The following TOX variants were observed in gnomAD, a reference collection of about 807,000 sequenced individuals.
TOX encodes the protein thymocyte selection associated high mobility group box, also known as thymocyte selection-associated high mobility group box protein TOX.
A neutral mutation model predicts 53.7 loss-of-function variants in TOX; 11 were observed. That is an observed-to-expected ratio of 0.20 (90% CI 0.13 to 0.34). The LOEUF is 0.34. Ranked by LOEUF, TOX falls within the 10% of genes least tolerant of loss-of-function variation. The probability of loss-of-function intolerance (pLI) is 1.00; values close to 1 mark genes in which losing one functional copy is unlikely to be tolerated. For missense variants in TOX, 570 were observed against 664.6 expected, an observed-to-expected ratio of 0.86 and a Z score of 1.56; for synonymous variants, 225 against 245.3, an observed-to-expected ratio of 0.92 and a Z score of 0.77.
At chr8:59,066,218 A>G (rs1228145804) in intron 1 of TOX, among the ~76,000 whole-genome samples, 1 of 152,226 alleles carries the variant, frequency 6.6e-6, no homozygotes, top group South Asian at 2.1e-4. Context: ...TCAGAAAAGG[A>G]CTTACAATAG....
intron 1 of TOX, among the ~76,000 whole-genome samples, chr8:58,967,710 C>A (rs1030165996): frequency 3.9e-5 from 6 of 152,178 alleles, no homozygotes; most frequent in Non-Finnish European, 7.3e-5. Flanking sequence ...CAGCAACCAG[C>A]GATGAGTTGT....
At chr8:59,116,126 C>T (rs2129425263) in intron 1 of TOX, among the ~76,000 whole-genome samples, 1 of 152,182 alleles carries the variant, frequency 6.6e-6, no homozygotes, top group East Asian at 1.9e-4. Context: ...GATTCTAAAG[C>T]ACAGATAGAT....
At chr8:58,928,235 G>A (rs759743652) in intron 3 of TOX, among the ~76,000 whole-genome samples, 4 of 152,228 alleles carry the variant, frequency 2.6e-5, no homozygotes, top group Non-Finnish European at 4.4e-5. Flanking sequence ...AAGGCAGAGC[G>A]CCCGCTATTA....
At chr8:58,813,887 T>G (rs1255991997) in intron 7 of TOX, among the ~76,000 whole-genome samples, 2 of 152,142 alleles carry the variant, frequency 1.3e-5, no homozygotes, top group African/African-American at 4.8e-5. Context: ...GAGTTAAGAG[T>G]CTACAAGAAC....
intron 3 of TOX, among the ~76,000 whole-genome samples, chr8:58,912,218 C>G (rs1811920701): frequency 6.6e-6 from 1 of 152,162 alleles, no homozygotes; most frequent in Admixed American, 6.5e-5. Flanking sequence ...GTACAATTTA[C>G]TTTAATTTAC....
intron 1 of TOX, among the ~76,000 whole-genome samples, chr8:58,961,560 A>C (rs1177027549): frequency 6.8e-6 from 1 of 147,436 alleles, no homozygotes; most frequent in Non-Finnish European, 1.5e-5. Context: ...ATGGAGTTTC[A>C]CTCTGTCACC....
intron 3 of TOX, among the ~76,000 whole-genome samples, chr8:58,901,700 T>A (rs1295539784): frequency 6.6e-6 from 1 of 152,152 alleles, no homozygotes; most frequent in African/African-American, 2.4e-5. Context: ...TAGAGTAAAA[T>A]GTCTTGAAAT....
chr8:58,994,855 G>A (rs930268987), intron 1 of TOX, among the ~76,000 whole-genome samples: 6 of 152,108 alleles, frequency 3.9e-5, no homozygotes, highest in African/African-American at 1.4e-4. Context: ...CTGAAGACTC[G>A]AAATGCTGAC....
chr8:58,816,624 G>A (rs1369292251), intron 6 of TOX, among the ~76,000 whole-genome samples: 3 of 152,152 alleles, frequency 2.0e-5, no homozygotes, highest in Non-Finnish European at 4.4e-5. Context: ...AAGGAAAAAA[G>A]TGATAAAATG....
rs185314620 is a variant in TOX at position 58,973,957 on chromosome 8, C to T, written c.103-13949G>A. Among the ~76,000 whole-genome samples the T allele has an allele frequency of 1.1e-4, 17 of 152,228 alleles. No homozygotes were observed. The East Asian group carries it at 3.3e-3, about 29-fold the overall frequency. ...AGATGACAGTCATGCACCACCATGCCTGGCTAATTTTTGTGTTTTTAGTAG... is the reference window on the plus strand; with the variant it reads ...AGATGACAGTCATGCACCACCATGCTTGGCTAATTTTTGTGTTTTTAGTAG... On this transcript the variant is annotated intron_variant, in intron 1 of 8. Coordinates refer to ENST00000361421, the MANE Select transcript of TOX (RefSeq NM_014729.3).
chr8:59,116,293 C>T lies in TOX; in HGVS notation c.102+2593G>A, dbSNP rs187433019. Among the ~76,000 whole-genome samples the T allele has an allele frequency of 4.6e-5, 7 of 152,322 alleles. No individual in the cohort carries two copies. The South Asian group carries it at 6.2e-4, about 14-fold the overall frequency. ...TTTGTAGTAAGCTACATATTCATTA[C>T]GCCTCCGAAGGAAGCAAGATTTACT... On this transcript the variant is annotated intron_variant, in intron 1 of 8. Transcript: ENST00000361421.
intron 3 of TOX, among the ~76,000 whole-genome samples, chr8:58,859,375 A>G (rs1810967933): frequency 1.3e-5 from 2 of 152,186 alleles, no homozygotes; most frequent in African/African-American, 4.8e-5. Flanking sequence ...ACTTGATTTC[A>G]ACTCTGCATT....
chr8:58,915,775 A>C (rs926504834), intron 3 of TOX, among the ~76,000 whole-genome samples: 12 of 151,794 alleles, frequency 7.9e-5, no homozygotes, highest in Non-Finnish European at 1.6e-4. Flanking sequence ...GGACATTCAA[A>C]CCAAAGGCAA....
At chr8:58,870,414 C>T (rs964538144) in intron 3 of TOX, among the ~76,000 whole-genome samples, 1 of 152,070 alleles carries the variant, frequency 6.6e-6, no homozygotes, top group African/African-American at 2.4e-5. Context: ...TAAATAGATA[C>T]CCTGTGTTCA....
chr8:59,034,234 T>C (rs1329493236), intron 1 of TOX, among the ~76,000 whole-genome samples: 1 of 152,342 alleles, frequency 6.6e-6, no homozygotes, highest in East Asian at 1.9e-4. Context: ...TCCCAAACGA[T>C]CATTAATAAG....
chr8:58,840,008 T>C (rs1204525161), intron 4 of TOX, among the ~76,000 whole-genome samples: 1 of 152,212 alleles, frequency 6.6e-6, no homozygotes, highest in African/African-American at 2.4e-5. Context: ...TATATATTTA[T>C]ATATGTGTAG....
At chr8:58,810,972 C>T (rs1810067557) in intron 7 of TOX, among the ~76,000 whole-genome samples, 1 of 152,136 alleles carries the variant, frequency 6.6e-6, no homozygotes, top group Admixed American at 6.5e-5. Context: ...TATGTGTTAG[C>T]TACAAAGTTC....
intron 1 of TOX, among the ~76,000 whole-genome samples, chr8:59,027,244 T>C (rs16924484): frequency 0.019 from 2,831 of 152,288 alleles, 86 homozygotes; most frequent in African/African-American, 0.063. Flanking sequence ...AGGTTCCAAA[T>C]TTTATAAAAG....
chr8:59,011,658 C>T (rs1373087354), intron 1 of TOX, among the ~76,000 whole-genome samples: 2 of 152,014 alleles, frequency 1.3e-5, no homozygotes, highest in Non-Finnish European at 2.9e-5. Flanking sequence ...GGTATTTAAC[C>T]TCTCTCCTCT....
Sources: allele counts gnomAD v4.1 joint callset (sites outside exome capture counted in the v4.1 genomes callset), GRCh38; gene constraint gnomAD v4.1.1; transcripts MANE v1.5; gene names NCBI Gene and HGNC (gene_info 2026-07-23, HGNC 2026-07-21).